NAALADL2: variants seen among roughly 807,000 people sequenced by gnomAD.
NAALADL2 encodes N-acetylated alpha-linked acidic dipeptidase like 2.
In NAALADL2, 76 loss-of-function variants were observed where a neutral mutation model predicts 87.2. The ratio of observed to expected loss-of-function variants is 0.87; its 90% CI spans 0.72 to 1.05. NAALADL2 has a LOEUF of 1.05. Ranked by LOEUF, NAALADL2 falls within the 50% of genes least tolerant of loss-of-function variation. The probability of loss-of-function intolerance (pLI) is 0.00; values close to 1 mark genes in which losing one functional copy is unlikely to be tolerated. For synonymous variants in NAALADL2, 354 were observed against 331.0 expected (o/e 1.07, Z -0.75); for missense variants, 1,089 against 945.8 (o/e 1.15, Z -1.99).
chr3:175,512,688 A>G (rs974282574), intron 9 of NAALADL2, among the ~76,000 whole-genome samples: 2 of 152,194 alleles, frequency 1.3e-5, no homozygotes, highest in Admixed American at 1.3e-4. Flanking sequence ...GAGCCGAACT[A>G]CTATACAATT....
intron 9 of NAALADL2, among the ~76,000 whole-genome samples, chr3:175,560,039 A>G (rs2149512799): frequency 6.6e-6 from 1 of 152,344 alleles, no homozygotes; most frequent in African/African-American, 2.4e-5. Flanking sequence ...AATGTTTGGT[A>G]GAATTCAGCA....
At chr3:174,949,144 T>A (rs1400560560) in intron 1 of NAALADL2, among the ~76,000 whole-genome samples, 1 of 152,254 alleles carries the variant, frequency 6.6e-6, no homozygotes, top group East Asian at 1.9e-4. Flanking sequence ...TCCCCAAAGA[T>A]CCTACCTCCT....
chr3:174,603,001 A>G (rs887816203), intron 2 of NAALADL2, among the ~76,000 whole-genome samples: 4 of 151,702 alleles, frequency 2.6e-5, no homozygotes, highest in African/African-American at 9.7e-5. Flanking sequence ...AATTTGTTAA[A>G]TTCAGTTTGC....
At chr3:175,302,733 G>C (rs1183091168) in intron 4 of NAALADL2, among the ~76,000 whole-genome samples, 1 of 151,956 alleles carries the variant, frequency 6.6e-6, no homozygotes, top group East Asian at 1.9e-4. Context: ...TATTTTATAA[G>C]TACTGGGGCA....
At chr3:175,765,844 C>T (rs1043536665) in intron 13 of NAALADL2, among the ~76,000 whole-genome samples, 5 of 152,066 alleles carry the variant, frequency 3.3e-5, no homozygotes, top group Admixed American at 1.3e-4. Flanking sequence ...ACAATCCTGC[C>T]AGATTGGTCT....
At chr3:175,325,379 C>T (rs1760580301) in intron 5 of NAALADL2, among the ~76,000 whole-genome samples, 1 of 152,142 alleles carries the variant, frequency 6.6e-6, no homozygotes, top group South Asian at 2.1e-4. Context: ...TAAATTTTCT[C>T]TGGGATCTCA....
At chr3:174,688,265 G>GT (rs1323011725) in intron 2 of NAALADL2, among the ~76,000 whole-genome samples, 1 of 151,994 alleles carries the variant, frequency 6.6e-6, no homozygotes, top group Non-Finnish European at 1.5e-5. Context: ...CCTAATTATA[G>GT]TTACCACCTC....
chr3:174,914,003 A>G (rs1314564508), intron 1 of NAALADL2, among the ~76,000 whole-genome samples: 1 of 151,766 alleles, frequency 6.6e-6, no homozygotes, highest in Non-Finnish European at 1.5e-5. Context: ...GCAGGAGATT[A>G]TGTATTTCAT....
intron 11 of NAALADL2, among the ~76,000 whole-genome samples, chr3:175,641,619 C>A (rs1729301435): frequency 6.6e-6 from 1 of 152,116 alleles, no homozygotes; most frequent in South Asian, 2.1e-4. Context: ...ATTTATTGAC[C>A]ATTTGGCATA....
intron 9 of NAALADL2, among the ~76,000 whole-genome samples, chr3:175,507,889 C>A (rs1282483815): frequency 1.3e-5 from 2 of 152,050 alleles, no homozygotes; most frequent in Non-Finnish European, 2.9e-5. Context: ...TTAGGTTGTT[C>A]TTGCATTGAT....
At chr3:174,743,464 T>G (rs1191688841) in intron 3 of NAALADL2, among the ~76,000 whole-genome samples, 1 of 151,838 alleles carries the variant, frequency 6.6e-6, no homozygotes, top group Non-Finnish European at 1.5e-5. Context: ...TGAAAAAGTC[T>G]TCTAACTTGG....
intron 1 of NAALADL2, among the ~76,000 whole-genome samples, chr3:174,547,813 A>G (rs1711568625): frequency 6.6e-6 from 1 of 152,190 alleles, no homozygotes; most frequent in Non-Finnish European, 1.5e-5. Flanking sequence ...AAAAGTTAAC[A>G]TAATTGTGAG....
chr3:175,307,338 A>G (rs569024133), intron 4 of NAALADL2, among the ~76,000 whole-genome samples: 4 of 152,222 alleles, frequency 2.6e-5, no homozygotes, highest in Non-Finnish European at 2.9e-5. Context: ...AATTATAGTG[A>G]AATATAATAG....
At chr3:174,487,326 C>G (rs1717916567) in intron 1 of NAALADL2, among the ~76,000 whole-genome samples, 1 of 152,012 alleles carries the variant, frequency 6.6e-6, no homozygotes, top group Non-Finnish European at 1.5e-5. Context: ...CATCACTGTA[C>G]TTATTTGACT....
At chr3:174,913,708 A>G (rs1179790244) in intron 1 of NAALADL2, among the ~76,000 whole-genome samples, 2 of 152,186 alleles carry the variant, frequency 1.3e-5, no homozygotes, top group Non-Finnish European at 2.9e-5. Flanking sequence ...ATTGCGCTGT[A>G]ATGGGCACTC....
chr3:174,651,878 T>A (rs1451415258), intron 2 of NAALADL2, among the ~76,000 whole-genome samples: 1 of 152,238 alleles, frequency 6.6e-6, no homozygotes, highest in East Asian at 1.9e-4. Context: ...ATTAAAATCC[T>A]ATGTTTAAAA....
chr3:174,892,840 T>C (rs778733231), intron 1 of NAALADL2, among the ~76,000 whole-genome samples: 4 of 149,752 alleles, frequency 2.7e-5, no homozygotes, highest in African/African-American at 5.0e-5. Context: ...GACACTCACT[T>C]GAACCTGAGA....
chr3:175,006,227 T>C (rs2108782793), intron 1 of NAALADL2, among the ~76,000 whole-genome samples: 1 of 152,270 alleles, frequency 6.6e-6, no homozygotes, highest in East Asian at 1.9e-4. Context: ...CTGATAATTA[T>C]CTCCTCTGTC....
chr3:175,613,313 TC>T (rs997613918), intron 10 of NAALADL2, among the ~76,000 whole-genome samples: 25 of 152,200 alleles, frequency 1.6e-4, no homozygotes, highest in Non-Finnish European at 4.4e-5. Flanking sequence ...AGTGAAATGA[TC>T]CAAAATATTT....
Sources: allele counts gnomAD v4.1 joint callset (sites outside exome capture counted in the v4.1 genomes callset), GRCh38; gene constraint gnomAD v4.1.1; transcripts MANE v1.5; gene names NCBI Gene and HGNC (gene_info 2026-07-23, HGNC 2026-07-21).